Variants in KCNJ3 observed in about 807,000 individuals in gnomAD.
The protein encoded by KCNJ3 is G protein-activated inward rectifier potassium channel 1.
KCNJ3 carries 4 observed loss-of-function variants against 39.2 expected under a neutral mutation model. The observed-to-expected ratio is 0.10, with a 90% CI of 0.05 to 0.23. The LOEUF (loss-of-function observed/expected upper bound fraction) is 0.23. Ranked by LOEUF, KCNJ3 falls within the 10% of genes least tolerant of loss-of-function variation. The pLI is 1.00. For synonymous variants in KCNJ3, 230 were observed against 237.4 expected, an observed-to-expected ratio of 0.97 and a Z score of 0.29; for missense variants, 276 against 634.9, an observed-to-expected ratio of 0.43 and a Z score of 6.08.
At chr2:154,834,897 A>C (rs1389519894) in intron 2 of KCNJ3, among the ~76,000 whole-genome samples, 1 of 151,790 alleles carries the variant, frequency 6.6e-6, no homozygotes, top group Non-Finnish European at 1.5e-5. Context: ...CTTAATAGTA[A>C]ATTTTAAAAG....
chr2:154,826,678 G>A (rs1464264434), intron 2 of KCNJ3, among the ~76,000 whole-genome samples: 1 of 152,110 alleles, frequency 6.6e-6, no homozygotes, highest in East Asian at 1.9e-4. Flanking sequence ...GGGTTGTCCC[G>A]CCATGAGATA....
intron 2 of KCNJ3, among the ~76,000 whole-genome samples, chr2:154,753,792 T>C (rs373332400): frequency 3.9e-5 from 6 of 152,210 alleles, no homozygotes; most frequent in African/African-American, 1.4e-4. Flanking sequence ...CTTCTGTTGT[T>C]TAATACATAG....
At chr2:154,830,145 G>C (rs1195272793) in intron 2 of KCNJ3, among the ~76,000 whole-genome samples, 1 of 152,126 alleles carries the variant, frequency 6.6e-6, no homozygotes, top group African/African-American at 2.4e-5. Flanking sequence ...TTCCTCCTCT[G>C]TACCTCAGTT....
intron 2 of KCNJ3, among the ~76,000 whole-genome samples, chr2:154,836,201 C>G (rs1251181097): frequency 7.2e-6 from 1 of 138,104 alleles, no homozygotes; most frequent in African/African-American, 2.7e-5. Flanking sequence ...CAGAGCAAGA[C>G]TGTCTCAAAA....
chr2:154,725,039 C>G (rs185387462), intron 2 of KCNJ3, among the ~76,000 whole-genome samples: 1 of 150,478 alleles, frequency 6.6e-6, no homozygotes, highest in Admixed American at 6.6e-5. Flanking sequence ...TCTTCTGCTT[C>G]TTAATGGTAC....
At chr2:154,737,191 A>C (rs529260844) in intron 2 of KCNJ3, among the ~76,000 whole-genome samples, 5 of 152,188 alleles carry the variant, frequency 3.3e-5, no homozygotes, top group Non-Finnish European at 7.3e-5. Context: ...ACAGAGAAGA[A>C]AACCTCATAA....
intron 2 of KCNJ3, among the ~76,000 whole-genome samples, chr2:154,827,614 A>G (rs1687291536): frequency 6.6e-6 from 1 of 152,130 alleles, no homozygotes; most frequent in Non-Finnish European, 1.5e-5. Flanking sequence ...AAGCCTCTCA[A>G]TCTAGTGACA....
chr2:154,705,908 A>G (rs1483463196), intron 1 of KCNJ3, among the ~76,000 whole-genome samples: 3 of 152,138 alleles, frequency 2.0e-5, no homozygotes, highest in South Asian at 2.1e-4. Context: ...CCAAGATTCT[A>G]TAAAATTGAA....
chr2:154,749,225 G>A (rs2652443), intron 2 of KCNJ3, among the ~76,000 whole-genome samples: 46,937 of 151,848 alleles, frequency 0.31, 8,535 homozygotes, highest in South Asian at 0.48. Flanking sequence ...ACAAGTAAGC[G>A]ACCTTTCAAA....
intron 2 of KCNJ3, among the ~76,000 whole-genome samples, chr2:154,732,947 A>G (rs1685469439): frequency 6.6e-6 from 1 of 152,184 alleles, no homozygotes; most frequent in Admixed American, 6.5e-5. Context: ...ATGCATTTCT[A>G]GGAAACAGAA....
At chr2:154,846,191 C>A (rs1302364514) in intron 2 of KCNJ3, among the ~76,000 whole-genome samples, 1 of 151,306 alleles carries the variant, frequency 6.6e-6, no homozygotes. Context: ...GTTTTACTCA[C>A]TTCATTATAT....
chr2:154,785,333 C>A (rs1307018126), intron 2 of KCNJ3, among the ~76,000 whole-genome samples: 1 of 152,158 alleles, frequency 6.6e-6, no homozygotes, highest in Non-Finnish European at 1.5e-5. Flanking sequence ...GACCCTCCTC[C>A]TGCCTTACAG....
chr2:154,826,835 T>C (rs1304375413), intron 2 of KCNJ3, among the ~76,000 whole-genome samples: 2 of 152,216 alleles, frequency 1.3e-5, no homozygotes, highest in Non-Finnish European at 2.9e-5. Flanking sequence ...TGTGTGGATG[T>C]CAGGGGCGGG....
intron 2 of KCNJ3, among the ~76,000 whole-genome samples, chr2:154,710,792 A>G (rs1171341724): frequency 6.6e-6 from 1 of 152,182 alleles, no homozygotes; most frequent in African/African-American, 2.4e-5. Flanking sequence ...CACTGGCAAT[A>G]CTACAGATAA....
At chr2:154,722,723 T>A (rs1387995999) in intron 2 of KCNJ3, among the ~76,000 whole-genome samples, 3 of 152,084 alleles carry the variant, frequency 2.0e-5, no homozygotes, top group African/African-American at 7.2e-5. Flanking sequence ...TGACTGACCT[T>A]GGAGACAGTG....
intron 2 of KCNJ3, among the ~76,000 whole-genome samples, chr2:154,852,117 T>G (rs985294528): frequency 2.0e-5 from 3 of 152,234 alleles, no homozygotes; most frequent in African/African-American, 7.2e-5. Flanking sequence ...CAAACTTTCC[T>G]TACTTTTTAA....
At chr2:154,803,836 C>A (rs376432415) in intron 2 of KCNJ3, among the ~76,000 whole-genome samples, 2 of 151,712 alleles carry the variant, frequency 1.3e-5, no homozygotes, top group Non-Finnish European at 2.9e-5. Context: ...AAATGAGTAA[C>A]GCTGATTAGG....
At chr2:154,840,752 G>T (rs956224181) in intron 2 of KCNJ3, among the ~76,000 whole-genome samples, 3 of 152,114 alleles carry the variant, frequency 2.0e-5, no homozygotes, top group Admixed American at 6.6e-5. Context: ...TTAGTGTATA[G>T]AAATGCTTGT....
chr2:154,847,908 C>T (rs1687687476), intron 2 of KCNJ3, among the ~76,000 whole-genome samples: 1 of 152,110 alleles, frequency 6.6e-6, no homozygotes, highest in Non-Finnish European at 1.5e-5. Flanking sequence ...CAACTGGCCT[C>T]TAGGGCTGAT....
Sources: gnomAD v4.1 joint callset for allele counts (sites outside exome capture counted in the v4.1 genomes callset) on GRCh38, gnomAD v4.1.1 for gene constraint, MANE v1.5 for transcripts, NCBI Gene and HGNC (gene_info 2026-07-23, HGNC 2026-07-21) for gene names.